Variants in RYR3 observed in about 807,000 individuals in gnomAD.
RYR3 encodes brain ryanodine receptor-calcium release channel.
In RYR3, 207 loss-of-function variants were observed where a neutral mutation model predicts 584.3. The ratio of observed to expected loss-of-function variants is 0.35; its 90% CI spans 0.32 to 0.40. The LOEUF is 0.40. Among genes scored for constraint, RYR3 ranks in the 10% least tolerant of loss-of-function variants. RYR3 has a pLI of 1.00. For missense variants in RYR3, 5,616 were observed against 6,089.2 expected (o/e 0.92, Z 2.59); for synonymous variants, 2,416 against 2,248.5 (o/e 1.07, Z -2.11).
chr15:33,692,477 A>G (rs1024158295), intron 38 of RYR3, among the ~76,000 whole-genome samples: 2 of 151,886 alleles, frequency 1.3e-5, no homozygotes, highest in African/African-American at 4.8e-5. Context: ...TGTTTCTCTC[A>G]CTTACTGCAC....
intron 23 of RYR3, among the ~76,000 whole-genome samples, chr15:33,632,305 A>G (rs1429595220): frequency 1.3e-5 from 2 of 151,978 alleles, no homozygotes; most frequent in Non-Finnish European, 2.9e-5. Context: ...CTAAGGTTTC[A>G]CTCCGCAGTG....
At chr15:33,381,309 A>G (rs1236850028) in intron 1 of RYR3, among the ~76,000 whole-genome samples, 1 of 152,174 alleles carries the variant, frequency 6.6e-6, no homozygotes, top group African/African-American at 2.4e-5. Context: ...GCTCGAGGTG[A>G]CACCAGGAAT....
chr15:33,313,100 A>G (rs2676077), intron 1 of RYR3, among the ~76,000 whole-genome samples: 107,151 of 152,098 alleles, frequency 0.7, 38,464 homozygotes, highest in African/African-American at 0.85. Context: ...CAGTGACTCC[A>G]AATGTGGCGT....
intron 103 of RYR3, among the ~76,000 whole-genome samples, chr15:33,864,554 C>T (rs768515066): frequency 3.3e-5 from 5 of 151,060 alleles, no homozygotes; most frequent in South Asian, 2.1e-4. Context: ...AGAAAGATAA[C>T]GACCTCATGT....
intron 64 of RYR3, among the ~76,000 whole-genome samples, chr15:33,776,027 C>T (rs544711634): frequency 9.9e-5 from 15 of 152,280 alleles, no homozygotes; most frequent in African/African-American, 3.6e-4. Flanking sequence ...AGTTTCTTTT[C>T]ATTTCTTGTG....
At chr15:33,607,404 C>T (rs528078710) in intron 18 of RYR3, among the ~76,000 whole-genome samples, 1 of 152,236 alleles carries the variant, frequency 6.6e-6, no homozygotes, top group East Asian at 1.9e-4. Flanking sequence ...GCCTCCAAAC[C>T]AGGGGACGGT....
chr15:33,737,546 C>T, intron 49 of RYR3, among the ~76,000 whole-genome samples: 1 of 152,166 alleles, frequency 6.6e-6, no homozygotes, highest in South Asian at 2.1e-4. Context: ...CAAGAATTCC[C>T]AGAGGGCTTT....
At chr15:33,665,087 TCA>T (rs1356548344) in intron 36 of RYR3, among the ~76,000 whole-genome samples, 100 of 152,328 alleles carry the variant, frequency 6.6e-4, no homozygotes, top group African/African-American at 2.3e-3. Context: ...ACAAATGTTG[TCA>T]GGCTGCTTTT....
In RYR3 at chr15:33,311,059, G is replaced by A. The variant is rs771419772; in HGVS notation, c.14G>A (p.Gly5Glu). 3 of 1,583,442 alleles carry A rather than the reference G, an allele frequency of 1.9e-6. No homozygotes were observed. Among genetic ancestry groups the A allele is most frequent in the Admixed American group, 3.5e-5 (2 of 56,674 alleles). Residue 5 changes from glycine to glutamate, a missense_variant, in exon 1 of 104, where the codon GGA (glycine) becomes GAA (glutamate). Transcript: ENST00000634891. The surrounding 1 kb of genome is among the most constrained non-coding windows in gnomAD (Gnocchi z 4.4). MAEG[G>E]EGGEDEIQFL... ...GCCTCGGGAGCCATGGCCGAAGGGG[G>A]AGAAGGAGGCGAGGACGAGATCCAG...
chr15:33,550,341 G>T (rs747473049), intron 10 of RYR3, 25 bp downstream of exon 10: 59 of 1,599,988 alleles, frequency 3.7e-5, no homozygotes, highest in Non-Finnish European at 4.9e-5. Context: ...AGTGGACTTT[G>T]ACCCTGTTCT....
intron 51 of RYR3, among the ~76,000 whole-genome samples, chr15:33,740,853 AC>A (rs2070022269): frequency 6.6e-6 from 1 of 152,190 alleles, no homozygotes; most frequent in Non-Finnish European, 1.5e-5. Flanking sequence ...CGTCTTTGGG[AC>A]AATTAAACAC....
intron 65 of RYR3, among the ~76,000 whole-genome samples, chr15:33,782,594 A>G (rs1311898871): frequency 2.6e-5 from 4 of 152,194 alleles, no homozygotes; most frequent in Admixed American, 1.3e-4. Context: ...AATGAGCTGT[A>G]AGAAGGTAGA....
intron 45 of RYR3, among the ~76,000 whole-genome samples, chr15:33,724,548 G>T (rs1014053384): frequency 6.6e-6 from 1 of 152,148 alleles, no homozygotes; most frequent in Non-Finnish European, 1.5e-5. Context: ...GATGACTGTG[G>T]CGTTAGGCCC....
intron 38 of RYR3, among the ~76,000 whole-genome samples, chr15:33,681,079 A>C (rs2064571403): frequency 6.6e-6 from 1 of 152,202 alleles, no homozygotes; most frequent in South Asian, 2.1e-4. Flanking sequence ...GGCAGACCTC[A>C]GTTACCTCAA....
rs200299528 is a variant in RYR3, at chr15:33,473,568, T to C, written c.171+30T>C. 2.7e-5 allele frequency: 44 copies of C among 1,610,962 alleles called. No homozygotes were observed. In the South Asian group the frequency reaches 4.4e-4, roughly 16 times the overall value. ...GATTGGCTGTCCGCCCTACACCTTC[T>C]TCCACCTTGGCGTCTGACAAAGTCA... On this transcript the variant is annotated intron_variant, in intron 2 of 103. Coordinates refer to ENST00000634891, the MANE Select transcript of RYR3 (RefSeq NM_001036.6).
chr15:33,662,788 CTG>C lies in RYR3; in HGVS notation c.5262_5263del (p.Phe1755TrpfsTer4). On this transcript the variant is annotated frameshift_variant, in exon 35 of 104. Coordinates refer to ENST00000634891, the MANE Select transcript of RYR3 (RefSeq NM_001036.6). LOFTEE classifies it high-confidence loss of function. ...CAGATCCTCCTCCTGATTGATCCCT[CTG>C]TGTTTGGGGAGCATAGTGCGGGGAC... The C allele has an allele frequency of 6.2e-7, 1 of 1,613,980 alleles. No individual in the cohort carries two copies. The highest frequency in any genetic ancestry group is 1.1e-5 in the South Asian group (1 of 91,072).
Position 33,857,830 on chromosome 15 carries a change from G to T in RYR3, c.14058G>T (p.Val4686=), listed in dbSNP as rs377333580. 89 of 1,614,060 alleles carry T rather than the reference G, an allele frequency of 5.5e-5. 1 individual carries two copies. In the Middle Eastern group the frequency reaches 8.2e-4, roughly 15 times the overall value. Residue 4686 remains valine, a synonymous_variant, in exon 99 of 104, where the codon GTG becomes GTT. Coordinates refer to ENST00000634891, the MANE Select transcript of RYR3 (RefSeq NM_001036.6). Reference sequence around the variant, plus strand: ...CCGTGGTGGTTTATCTCTATACTGTGGTGGCTTTCAACTTCTTCCGCAAGT... The same window carrying T: ...CCGTGGTGGTTTATCTCTATACTGTTGTGGCTTTCAACTTCTTCCGCAAGT... ...LLAVVVYLYT[V]VAFNFFRKFY...
chr15:33,488,498 T>C lies in RYR3; in HGVS notation c.171+14960T>C, dbSNP rs557357072. Among the ~76,000 whole-genome samples, 17 of 151,964 alleles carry C rather than the reference T, an allele frequency of 1.1e-4. 1 individual carries two copies. The South Asian group carries it at 2.3e-3, about 20-fold the overall frequency. ...TAGAACATCTCTTTTCTAGGTGTTG[T>C]TTTTACATGGAAGAAGAAATAAAAT... is the stretch of plus-strand genomic sequence containing the variant. On this transcript the variant is annotated intron_variant, in intron 2 of 103. Transcript: ENST00000634891.
chr15:33,610,844 T>C (rs2152565219), intron 18 of RYR3, among the ~76,000 whole-genome samples: 1 of 152,356 alleles, frequency 6.6e-6, no homozygotes, highest in East Asian at 1.9e-4. Flanking sequence ...TTTAATAATT[T>C]TGTGCATGAA....
Sources: allele counts gnomAD v4.1 joint callset (sites outside exome capture counted in the v4.1 genomes callset), GRCh38; gene constraint gnomAD v4.1.1; non-coding constraint Gnocchi (gnomAD v3.1); transcripts MANE v1.5; gene names NCBI Gene and HGNC (gene_info 2026-07-23, HGNC 2026-07-21).